HECW2: variants seen among roughly 807,000 people sequenced by gnomAD.
The protein encoded by HECW2 is E3 ubiquitin-protein ligase HECW2.
In HECW2, 61 loss-of-function variants were observed where a neutral mutation model predicts 175.2. That is an observed-to-expected ratio of 0.35 (90% confidence interval 0.28 to 0.43). HECW2 has a LOEUF of 0.43. Ranked by LOEUF, HECW2 falls within the 20% of genes least tolerant of loss-of-function variation. The probability of loss-of-function intolerance (pLI) is 1.00; values close to 1 mark genes in which losing one functional copy is unlikely to be tolerated. For synonymous variants in HECW2, 671 were observed against 731.0 expected, an observed-to-expected ratio of 0.92 and a Z score of 1.32; for missense variants, 1,524 against 2,000.5, an observed-to-expected ratio of 0.76 and a Z score of 4.54.
At chr2:196,500,281 G>A (rs1687531629) in intron 1 of HECW2, among the ~76,000 whole-genome samples, 2 of 152,036 alleles carry the variant, frequency 1.3e-5, no homozygotes, top group South Asian at 2.1e-4. Context: ...GGAGGGGAGG[G>A]AAAGAAATTC....
intron 1 of HECW2, among the ~76,000 whole-genome samples, chr2:196,513,816 C>T (rs1314518476): frequency 6.6e-6 from 1 of 152,204 alleles, no homozygotes; most frequent in African/African-American, 2.4e-5. Flanking sequence ...AGTTGGCAAA[C>T]AGTTTGCTAC....
chr2:196,203,495 A>G (rs961825770), intron 28 of HECW2, among the ~76,000 whole-genome samples: 1 of 152,208 alleles, frequency 6.6e-6, no homozygotes, highest in African/African-American at 2.4e-5. Context: ...ATATAATTCT[A>G]TGCCAAACTG....
chr2:196,506,544 C>T (rs964968935), intron 1 of HECW2, among the ~76,000 whole-genome samples: 2 of 152,130 alleles, frequency 1.3e-5, no homozygotes, highest in Admixed American at 6.6e-5. Context: ...CACCCACACA[C>T]GCACACATAC....
chr2:196,493,198 A>G (rs1417872552), intron 1 of HECW2: 1 of 152,200 alleles, frequency 6.6e-6, no homozygotes, highest in Non-Finnish European at 1.5e-5. Flanking sequence ...GCAAGACCTT[A>G]TCTCTACAAA....
intron 14 of HECW2, 165 bp from the exon 15 acceptor site, chr2:196,278,827 T>C: frequency 1.4e-6 from 1 of 696,242 alleles, no homozygotes; most frequent in South Asian, 2.0e-5. Flanking sequence ...ACAGGACAGA[T>C]CAGATTAGAG....
rs551287579 is a variant in HECW2, at chr2:196,375,054, C to T, written c.293-31290G>A. On this transcript the variant is annotated intron_variant, in intron 2 of 28. Transcript: ENST00000644978. ...GTGCGCACCTGTAATCCCAGCCACT[C>T]GGGAGGCTGAGGCAGAATTGCTGGA... Among the ~76,000 whole-genome samples the T allele has an allele frequency of 1.3e-4, 19 of 150,580 alleles. No individual in the cohort carries two copies. In the South Asian group the frequency reaches 1.9e-3, roughly 15 times the overall value.
chr2:196,367,622 C>T (rs1340457469), intron 2 of HECW2, among the ~76,000 whole-genome samples: 1 of 152,132 alleles, frequency 6.6e-6, no homozygotes, highest in African/African-American at 2.4e-5. Context: ...CATAAACCAT[C>T]TGCACTTCCC....
chr2:196,440,021 A>G (rs969676991), intron 1 of HECW2, among the ~76,000 whole-genome samples: 2 of 152,212 alleles, frequency 1.3e-5, no homozygotes, highest in African/African-American at 4.8e-5. Context: ...TGGATTTTCA[A>G]TCTAAGTGAC....
chr2:196,303,927 T>C (rs1273728429), intron 13 of HECW2, among the ~76,000 whole-genome samples: 3 of 152,216 alleles, frequency 2.0e-5, no homozygotes, highest in African/African-American at 7.2e-5. Context: ...CATCCATTTG[T>C]CACCGTCTCT....
chr2:196,242,383 G>T, intron 19 of HECW2, 179 bp from the exon 20 acceptor site: 1 of 674,988 alleles, frequency 1.5e-6, no homozygotes. Context: ...GGTCTTAAGT[G>T]ACGTCCTCTT....
At chr2:196,263,400 T>C (rs578105843) in intron 17 of HECW2, 1 of 152,272 alleles carries the variant, frequency 6.6e-6, no homozygotes, top group Non-Finnish European at 1.5e-5. Context: ...AAGAAGGGCA[T>C]GTGTTCGGAG....
At chr2:196,363,769 A>G (rs767716025) in intron 2 of HECW2, among the ~76,000 whole-genome samples, 8 of 152,218 alleles carry the variant, frequency 5.3e-5, no homozygotes, top group Admixed American at 1.3e-4. Flanking sequence ...GGCTACAGTG[A>G]GCTACAATCC....
At chr2:196,330,066 T>C (rs964699382) in intron 4 of HECW2, among the ~76,000 whole-genome samples, 4 of 152,170 alleles carry the variant, frequency 2.6e-5, no homozygotes, top group Non-Finnish European at 1.5e-5. Flanking sequence ...GACCTACCCA[T>C]ATATACAGAA....
intron 1 of HECW2, among the ~76,000 whole-genome samples, chr2:196,442,587 C>T (rs1000936623): frequency 6.6e-6 from 1 of 152,164 alleles, no homozygotes; most frequent in African/African-American, 2.4e-5. Context: ...TACATTATAG[C>T]ATATCTACCT....
rs191695575 is a variant in HECW2, at chr2:196,436,571, G to A, written c.-35-3113C>T. Among the ~76,000 whole-genome samples the A allele has an allele frequency of 4.0e-3, 609 of 152,122 alleles. 3 individuals carry two copies. Among genetic ancestry groups the A allele is most frequent in the African/African-American group, 7.5e-3 (311 of 41,492 alleles). On this transcript the variant is annotated intron_variant, in intron 1 of 28. Coordinates refer to ENST00000644978, the MANE Select transcript of HECW2 (RefSeq NM_001348768.2). Reference sequence around the variant, plus strand: ...CCTGCATTCTAACAAGAAAAGACACGCAACTAAGGGCCAAAAACCAAATAC... The same window carrying A: ...CCTGCATTCTAACAAGAAAAGACACACAACTAAGGGCCAAAAACCAAATAC...
chr2:196,515,399 G>A (rs7557926), intron 1 of HECW2, among the ~76,000 whole-genome samples: 20,965 of 152,256 alleles, frequency 0.14, 1,515 homozygotes, highest in Middle Eastern at 0.24. Context: ...GGTGCTGCCG[G>A]CAACAGAGGT....
At chr2:196,430,178 C>T (rs183195552) in intron 2 of HECW2, among the ~76,000 whole-genome samples, 33 of 152,266 alleles carry the variant, frequency 2.2e-4, no homozygotes, top group African/African-American at 7.7e-4. Flanking sequence ...AGACCAAATT[C>T]GGAGGATGAA....
At chr2:196,538,402 G>C (rs905404491) in intron 1 of HECW2, among the ~76,000 whole-genome samples, 2 of 152,180 alleles carry the variant, frequency 1.3e-5, no homozygotes, top group African/African-American at 4.8e-5. Flanking sequence ...CAGTAAAAAG[G>C]GTAATATGCT....
intron 1 of HECW2, among the ~76,000 whole-genome samples, chr2:196,568,287 T>C (rs1352921400): frequency 6.6e-6 from 1 of 152,152 alleles, no homozygotes; most frequent in Non-Finnish European, 1.5e-5. Context: ...AAATCTTACA[T>C]CCTAAAAGCA....
Sources: gnomAD v4.1 joint callset for allele counts (sites outside exome capture counted in the v4.1 genomes callset) on GRCh38, gnomAD v4.1.1 for gene constraint, MANE v1.5 for transcripts, NCBI Gene and HGNC (gene_info 2026-07-23, HGNC 2026-07-21) for gene names.